RAC2: variants seen among roughly 807,000 people sequenced by gnomAD.
RAC2 encodes the protein ras-related C3 botulinum toxin substrate 2.
Under a neutral mutation model 24.0 loss-of-function variants are expected in RAC2, and 1 was observed. The ratio of observed to expected loss-of-function variants is 0.04; its 90% CI spans 0.01 to 0.20. The LOEUF (loss-of-function observed/expected upper bound fraction) is 0.20, where lower values mean the gene tolerates loss of function less well. Among genes scored for constraint, RAC2 ranks in the 10% least tolerant of loss-of-function variants. The pLI, the probability that RAC2 is intolerant of heterozygous loss-of-function variation, is 1.00. For missense variants in RAC2, 130 were observed against 259.1 expected (o/e 0.50, Z 3.42); for synonymous variants, 114 against 106.8 (o/e 1.07, Z -0.41).
At position 37,231,501 on chromosome 22, in the gene RAC2, G is replaced by A. The variant is rs1569089532; in HGVS notation, c.289-111C>T. ...GTAGGGAGAGGAGAGGCAGCAAGTT[G>A]CCAGAAGATCAGAGGTGGGCACGAC... On this transcript the variant is annotated intron_variant, in intron 4 of 6. Coordinates refer to ENST00000249071, the MANE Select transcript of RAC2 (RefSeq NM_002872.5). The surrounding 1 kb of genome is among the most constrained non-coding windows in gnomAD (Gnocchi z 5.5). The A allele has an allele frequency of 2.8e-6, 3 of 1,064,752 alleles. No individual in the cohort carries two copies. The highest frequency in any genetic ancestry group is 4.2e-6 in the Non-Finnish European group (3 of 713,396). The allele number at this position is 1,064,752 out of a possible 1,614,324, so 66.0% of individuals were successfully genotyped here. A position where few individuals can be genotyped will look rare whatever the true frequency, so the allele number is the denominator to read the frequency against.
chr22:37,235,243 T>C (rs961151386), intron 2 of RAC2, among the ~76,000 whole-genome samples: 1 of 152,052 alleles, frequency 6.6e-6, no homozygotes, highest in Non-Finnish European at 1.5e-5. Context: ...TTAATACACT[T>C]TGCCTGTCCA....
At chr22:37,244,047 C>T (rs1173121522) in intron 1 of RAC2, 67 bp downstream of exon 1, 1 of 1,601,456 alleles carries the variant, frequency 6.2e-7, no homozygotes, top group Non-Finnish European at 8.6e-7. Flanking sequence ...TCCCCAGGGG[C>T]ACCAGGGCGG....
chr22:37,241,461 T>C, intron 2 of RAC2, 126 bp downstream of exon 2: 1 of 1,035,338 alleles, frequency 9.7e-7, no homozygotes. Flanking sequence ...GTCAGGCAGC[T>C]CCACTGGGCT....
Position 37,231,819 on chromosome 22 carries a change from C to T in RAC2, c.288+113G>A. On this transcript the variant is annotated intron_variant, in intron 4 of 6. Transcript: ENST00000249071. The surrounding 1 kb of genome is among the most constrained non-coding windows in gnomAD (Gnocchi z 5.5). ...AGCCCTGGTTGGCACTGGGGACCCT[C>T]TCTGTATGCGACCTCTGCTGCCCCA... is the stretch of plus-strand genomic sequence containing the variant. 7.8e-7 allele frequency: 1 copy of T among 1,281,106 alleles called. No homozygotes were observed. The highest frequency in any genetic ancestry group is 1.1e-6 in the Non-Finnish European group (1 of 909,016). 79.4% of individuals were successfully genotyped at this position (1,281,106 alleles called of 1,614,324 possible). A position where few individuals can be genotyped will look rare whatever the true frequency, so the allele number is the denominator to read the frequency against.
chr22:37,231,859 G>C lies in RAC2; in HGVS notation c.288+73C>G. Reference sequence around the variant, plus strand: ...CTGCTGCCCCAGGGACCAGCCTAGAGTCACCAGTTCCTCCCTCTGTCCCTC... The same window carrying C: ...CTGCTGCCCCAGGGACCAGCCTAGACTCACCAGTTCCTCCCTCTGTCCCTC... On this transcript the variant is annotated intron_variant, in intron 4 of 6. Coordinates refer to ENST00000249071, the MANE Select transcript of RAC2 (RefSeq NM_002872.5). The surrounding 1 kb of genome is among the most constrained non-coding windows in gnomAD (Gnocchi z 5.5). 6.7e-7 allele frequency: 1 copy of C among 1,501,930 alleles called. No homozygotes were observed. The highest frequency in any genetic ancestry group is 9.1e-7 in the Non-Finnish European group (1 of 1,103,064). The allele number at this position is 1,501,930 out of a possible 1,614,324, so 93.0% of individuals were successfully genotyped here.
At position 37,231,079 on chromosome 22, in the gene RAC2, G is replaced by C. The variant is rs183863405; in HGVS notation, c.448+152C>G. Reference sequence around the variant, plus strand: ...GGAAACACAGGCAGAGAGAGGCTACGTGACTCGCCCAAGGTCACACAGCAA... The same window carrying C: ...GGAAACACAGGCAGAGAGAGGCTACCTGACTCGCCCAAGGTCACACAGCAA... On this transcript the variant is annotated intron_variant, in intron 5 of 6. Coordinates refer to ENST00000249071, the MANE Select transcript of RAC2 (RefSeq NM_002872.5). The surrounding 1 kb of genome is among the most constrained non-coding windows in gnomAD (Gnocchi z 5.5). 2 of 890,738 alleles carry C rather than the reference G, an allele frequency of 2.2e-6. No individual in the cohort carries two copies. Among genetic ancestry groups the C allele is most frequent in the African/African-American group, 1.7e-5 (1 of 60,466 alleles). 55.2% of individuals were successfully genotyped at this position (890,738 alleles called of 1,614,324 possible). A position where few individuals can be genotyped will look rare whatever the true frequency, so the allele number is the denominator to read the frequency against.
chr22:37,232,324 G>A, intron 3 of RAC2: 1 of 465,852 alleles, frequency 2.1e-6, no homozygotes, highest in Non-Finnish European at 4.0e-6. Context: ...CTCTGGTGAG[G>A]GGAGGATCTG....
intron 2 of RAC2, among the ~76,000 whole-genome samples, chr22:37,234,649 A>G (rs1021397758): frequency 6.6e-6 from 1 of 152,022 alleles, no homozygotes; most frequent in Non-Finnish European, 1.5e-5. Context: ...GTTTCCCGGG[A>G]AAGGCTCACA....
In RAC2 at chr22:37,225,971, G is replaced by A. The variant is rs905726235; in HGVS notation, c.*71C>T. On this transcript the variant is annotated 3_prime_UTR_variant, in exon 7 of 7. Transcript: ENST00000249071. ...GGAGGGGACAGCATGGCCAGCCGGG[G>A]TGCCATCAGGCTTTGGGTGGGGATC... 5.9e-5 allele frequency: 9 copies of A among 153,102 alleles called. No homozygotes were observed. Among genetic ancestry groups the A allele is most frequent in the South Asian group, 2.1e-4 (1 of 4,856 alleles). The allele number at this position is 153,102 out of a possible 1,614,324, so 9.5% of individuals were successfully genotyped here. A position where few individuals can be genotyped will look rare whatever the true frequency, so the allele number is the denominator to read the frequency against.
At chr22:37,229,395 G>A (rs1471964834) in intron 5 of RAC2, among the ~76,000 whole-genome samples, 1 of 152,188 alleles carries the variant, frequency 6.6e-6, no homozygotes, top group Non-Finnish European at 1.5e-5. Flanking sequence ...CTGGCTGGGT[G>A]GCCTTAAGCC....
At chr22:37,241,696 G>T (rs1453167861) in intron 1 of RAC2, 38 bp from the exon 2 acceptor site, 4 of 1,575,178 alleles carry the variant, frequency 2.5e-6, no homozygotes, top group Non-Finnish European at 3.5e-6. Context: ...GCGGTCATGG[G>T]CTCTGCCGGA....
At chr22:37,232,765 A>C (rs2145824858) in intron 3 of RAC2, 36 bp downstream of exon 3, 1 of 1,550,660 alleles carries the variant, frequency 6.4e-7, no homozygotes, top group Non-Finnish European at 8.9e-7. Context: ...AGAGACAGCA[A>C]AGGTCAGGAC....
Position 37,240,277 on chromosome 22 carries a change from G to T in RAC2, c.107+1310C>A, listed in dbSNP as rs141405861. Among the ~76,000 whole-genome samples the T allele has an allele frequency of 6.7e-4, 102 of 152,346 alleles. 2 individuals are homozygous for T. Among genetic ancestry groups the T allele is most frequent in the East Asian group, 5.2e-3 (27 of 5,182 alleles). On this transcript the variant is annotated intron_variant, in intron 2 of 6. Transcript: ENST00000249071. ...GAGAGCCTGATCCCTGCCCCTGAAA[G>T]GGGGGTTCATTAAGATCAAGAAATG...
chr22:37,231,219 C>A lies in RAC2; in HGVS notation c.448+12G>T. The A allele has an allele frequency of 6.2e-7, 1 of 1,612,880 alleles. No individual in the cohort carries two copies. ...TGCAGCCAGATCGCCCCTCTGAGCC[C>A]GAGGCCCATACCAATCTCCTTGGCC... is the stretch of plus-strand genomic sequence containing the variant. On this transcript the variant is annotated intron_variant, in intron 5 of 6. Coordinates refer to ENST00000249071, the MANE Select transcript of RAC2 (RefSeq NM_002872.5). This position sits in a 1 kb window ranked among gnomAD's most constrained non-coding sequence, Gnocchi z 5.5.
chr22:37,228,644 A>G (rs989555183), intron 5 of RAC2, among the ~76,000 whole-genome samples: 8 of 152,124 alleles, frequency 5.3e-5, no homozygotes, highest in South Asian at 2.1e-4. Context: ...TTCCAACAAC[A>G]CCGGGGTGAG....
chr22:37,232,430 C>G (rs979473452), intron 3 of RAC2: 12 of 428,234 alleles, frequency 2.8e-5, no homozygotes, highest in African/African-American at 2.4e-4. Flanking sequence ...GGGCGAGGAC[C>G]CAGCAGCCAC....
In RAC2 at chr22:37,232,008, A is replaced by G. The variant is rs1179647048; in HGVS notation, c.226-14T>C. The G allele has an allele frequency of 7.2e-6, 11 of 1,521,294 alleles. No individual in the cohort carries two copies. In the South Asian group the frequency reaches 1.3e-4, roughly 18 times the overall value. 94.2% of individuals were successfully genotyped at this position (1,521,294 alleles called of 1,614,324 possible). On this transcript the variant is annotated splice_polypyrimidine_tract_variant and intron_variant, in intron 3 of 6. Coordinates refer to ENST00000249071, the MANE Select transcript of RAC2 (RefSeq NM_002872.5). ...GAGGAAGACGTCCTGGGGACAGAGCAAGCGAGGTTGCTAGTGAGGAGGGCC... is the reference window on the plus strand; with the variant it reads ...GAGGAAGACGTCCTGGGGACAGAGCGAGCGAGGTTGCTAGTGAGGAGGGCC...
At chr22:37,239,994 C>T (rs759366851) in intron 2 of RAC2, among the ~76,000 whole-genome samples, 4 of 152,174 alleles carry the variant, frequency 2.6e-5, no homozygotes, top group Non-Finnish European at 5.9e-5. Context: ...GCATCAGGAC[C>T]GAGCTGGGGC....
At chr22:37,234,386 T>G (rs1435904158) in intron 2 of RAC2, among the ~76,000 whole-genome samples, 1 of 152,176 alleles carries the variant, frequency 6.6e-6, no homozygotes, top group Non-Finnish European at 1.5e-5. Context: ...ATGCAGTGAC[T>G]TGCCCAAGGC....
Sources: allele counts gnomAD v4.1 joint callset (sites outside exome capture counted in the v4.1 genomes callset), GRCh38; gene constraint gnomAD v4.1.1; non-coding constraint Gnocchi (gnomAD v3.1); transcripts MANE v1.5; gene names NCBI Gene and HGNC (gene_info 2026-07-23, HGNC 2026-07-21).